Variants in SPEN observed in about 807,000 individuals in gnomAD.
The protein encoded by SPEN is msx2-interacting protein.
SPEN carries 18 observed loss-of-function variants against 269.9 expected under a neutral mutation model. The ratio of observed to expected loss-of-function variants is 0.07; its 90% CI spans 0.05 to 0.10. SPEN has a LOEUF of 0.10. SPEN is among the 10% of genes least tolerant of loss of function. SPEN has a pLI of 1.00. For missense variants in SPEN, 3,822 were observed against 4,631.2 expected (o/e 0.83, Z 5.07); for synonymous variants, 1,726 against 1,765.7 (o/e 0.98, Z 0.56).
At chr1:15,891,659 G>A (rs2070790425) in intron 3 of SPEN, among the ~76,000 whole-genome samples, 1 of 151,606 alleles carries the variant, frequency 6.6e-6, no homozygotes, top group Non-Finnish European at 1.5e-5. Flanking sequence ...CTTGTTTTTT[G>A]TTTTTTGTTT....
intron 3 of SPEN, among the ~76,000 whole-genome samples, chr1:15,887,110 G>A (rs934600682): frequency 1.3e-5 from 2 of 151,486 alleles, no homozygotes; most frequent in African/African-American, 4.9e-5. Flanking sequence ...CAAGTAGCTG[G>A]GATTACAGCC....
intron 10 of SPEN, among the ~76,000 whole-genome samples, chr1:15,925,564 T>A (rs1267337002): frequency 2.0e-5 from 3 of 151,824 alleles, no homozygotes; most frequent in East Asian, 1.9e-4. Flanking sequence ...AAACTTTTTT[T>A]AATATTACTA....
chr1:15,928,726 A>G lies in SPEN; in HGVS notation c.2486A>G (p.His829Arg), dbSNP rs748342352. The change falls in exon 11 of 15, where the codon CAC becomes CGC. Residue 829 changes from histidine to arginine, a missense_variant. Physicochemically the swap from His to Arg is conservative, Grantham distance 29. Coordinates refer to ENST00000375759, the MANE Select transcript of SPEN (RefSeq NM_015001.3). The surrounding 1 kb of genome is among the most constrained non-coding windows in gnomAD (Gnocchi z 5.7). Reference protein sequence around the residue: ...TDKQKRKGKVHSPSSQSSETD... With the variant: ...TDKQKRKGKVRSPSSQSSETD... ...AAGCAGAAACGCAAAGGAAAGGTTC[A>G]CTCCCCTAGTTCTCAGTCTTCAGAA... 1 of 1,613,958 alleles carries G rather than the reference A, an allele frequency of 6.2e-7. No homozygotes were observed. Among genetic ancestry groups the G allele is most frequent in the South Asian group, 1.1e-5 (1 of 91,070 alleles).
Position 15,934,596 on chromosome 1 carries a change from C to T in SPEN, c.8356C>T (p.His2786Tyr), listed in dbSNP as rs2071256268. 6.2e-7 allele frequency: 1 copy of T among 1,614,016 alleles called. No individual in the cohort carries two copies. Among genetic ancestry groups the T allele is most frequent in the Non-Finnish European group, 8.5e-7 (1 of 1,180,006 alleles). Residue 2786 changes from histidine (H) to tyrosine (Y), a missense_variant, in exon 11 of 15, where the codon CAC (histidine) becomes TAC (tyrosine). By Grantham distance (83) the His-to-Tyr change is moderately conservative (BLOSUM62 2). Transcript: ENST00000375759. The surrounding 1 kb of genome is among the most constrained non-coding windows in gnomAD (Gnocchi z 9.2). ...RASANENSRF[H>Y]PGSMPVIDDR... ...GAGTGCTAATGAAAACAGTCGGTTCCACCCAGGGTCCATGCCTGTGATCGA... is the reference window on the plus strand; with the variant it reads ...GAGTGCTAATGAAAACAGTCGGTTCTACCCAGGGTCCATGCCTGTGATCGA...
In SPEN at chr1:15,929,422, C is replaced by A; in HGVS notation, c.3182C>A (p.Ala1061Asp). The A allele has an allele frequency of 6.2e-7, 1 of 1,613,776 alleles. No homozygotes were observed. Among genetic ancestry groups the A allele is most frequent in the Non-Finnish European group, 8.5e-7 (1 of 1,179,912 alleles). ...AAACTGGACAGACTTAATACTGTTG[C>A]CAGCCCCAAAGACTGTCAGGAGCTT... ...KIKLDRLNTV[A>D]SPKDCQELAS... is the part of the protein sequence containing the mutation. The change falls in exon 11 of 15, where the codon GCC becomes GAC. Residue 1061 changes from alanine to aspartate, a missense_variant. Physicochemically the swap from Ala to Asp is moderately radical, Grantham distance 126. Around this residue, in one of 16 missense-constraint regions of SPEN, gnomAD observed 572 missense variants for 582.6 expected, o/e 0.98. Coordinates refer to ENST00000375759, the MANE Select transcript of SPEN (RefSeq NM_015001.3). The surrounding 1 kb of genome is among the most constrained non-coding windows in gnomAD (Gnocchi z 5.8).
Position 15,848,178 on chromosome 1 carries a change from C to G in SPEN, c.83+28C>G. On this transcript the variant is annotated intron_variant, in intron 1 of 14. Transcript: ENST00000375759. This position sits in a 1 kb window ranked among gnomAD's most constrained non-coding sequence, Gnocchi z 5.1. ...GAGTGACACGAGGCCCGCGGCCGCG[C>G]TCGCTCCTCGGGCGCCGCTTCCCGC... 1 of 1,417,290 alleles carries G rather than the reference C, an allele frequency of 7.1e-7. No homozygotes were observed. Among genetic ancestry groups the G allele is most frequent in the Non-Finnish European group, 9.4e-7 (1 of 1,063,074 alleles). The allele number at this position is 1,417,290 out of a possible 1,614,324, so 87.8% of individuals were successfully genotyped here.
Position 15,928,529 on chromosome 1 carries a change from T to C in SPEN, c.2289T>C (p.Ser763=). Residue 763 remains serine (S), a synonymous_variant, in exon 11 of 15, where the codon AGT becomes AGC. Transcript: ENST00000375759. This position sits in a 1 kb window ranked among gnomAD's most constrained non-coding sequence, Gnocchi z 5.7. The part of the protein sequence containing the change: ...RRLYSRSSDR[S]GSCSSLSPPR... Reference sequence around the variant, plus strand: ...TTTACAGCCGATCCTCAGACCGGAGTGGAAGCTGTAGCTCACTCTCCCCTC... The same window carrying C: ...TTTACAGCCGATCCTCAGACCGGAGCGGAAGCTGTAGCTCACTCTCCCCTC... 2 of 1,613,904 alleles carry C rather than the reference T, an allele frequency of 1.2e-6. No homozygotes were observed. The highest frequency in any genetic ancestry group is 8.5e-7 in the Non-Finnish European group (1 of 1,179,996).
At chr1:15,908,170 GCTA>G (rs112407466) in intron 3 of SPEN, among the ~76,000 whole-genome samples, 1 of 151,844 alleles carries the variant, frequency 6.6e-6, no homozygotes, top group Admixed American at 6.6e-5. Flanking sequence ...AGGTAGTAGT[GCTA>G]CTACTACTAC....
chr1:15,935,021 C>T lies in SPEN; in HGVS notation c.8781C>T (p.Gly2927=), dbSNP rs1483099689. The change falls in exon 11 of 15, where the codon GGC becomes GGT. Residue 2927 remains glycine (G), a synonymous_variant. Transcript: ENST00000375759. The surrounding 1 kb of genome is among the most constrained non-coding windows in gnomAD (Gnocchi z 7.7). ...TGTCCACGCCTGTCACCCAGGGAGG[C>T]ACAGTGAAGGTTCTCACCCAGGGGA... is the stretch of plus-strand genomic sequence containing the variant. ...LSVSTPVTQG[G]TVKVLTQGIN... is the part of the protein sequence containing the mutation. 3 of 1,614,024 alleles carry T rather than the reference C, an allele frequency of 1.9e-6. No individual in the cohort carries two copies. In the Admixed American group the frequency reaches 5.0e-5, roughly 27 times the overall value.
chr1:15,917,949 C>T (rs1018453927), intron 6 of SPEN: 4 of 152,210 alleles, frequency 2.6e-5, no homozygotes, highest in African/African-American at 9.7e-5. Context: ...ATGACAGCCC[C>T]ACCCCAATGT....
intron 3 of SPEN, among the ~76,000 whole-genome samples, chr1:15,902,500 G>A (rs1026837311): frequency 1.3e-5 from 2 of 152,064 alleles, no homozygotes; most frequent in African/African-American, 4.8e-5. Context: ...ATTACTTGCT[G>A]TGGTGATGCA....
rs142609831 is a variant in SPEN at position 15,928,207 on chromosome 1, A to G, written c.1967A>G (p.Glu656Gly). 675 of 1,614,050 alleles carry G rather than the reference A, an allele frequency of 4.2e-4. No individual in the cohort carries two copies. Among genetic ancestry groups the G allele is most frequent in the Non-Finnish European group, 5.6e-4 (663 of 1,180,052 alleles). Residue 656 changes from glutamate (E) to glycine (G), a missense_variant, in exon 11 of 15, where the codon GAG (glutamate) becomes GGG (glycine). Around this residue, in one of 16 missense-constraint regions of SPEN, gnomAD observed 230 missense variants for 426.1 expected, o/e 0.54. Transcript: ENST00000375759. The surrounding 1 kb of genome is among the most constrained non-coding windows in gnomAD (Gnocchi z 5.7). ...CGGGACTATCCAGCTCGAGGGAGAG[A>G]GTTTTATTCAGAATGGGAAACTTAC... ...SRRDYPARGR[E>G]FYSEWETYQG...
chr1:15,937,241 T>G lies in SPEN; in HGVS notation c.10105T>G (p.Cys3369Gly), dbSNP rs779425540. ...STQPAQPAPPCPPSQLGQPGQ... is the reference protein window; with the variant it reads ...STQPAQPAPPGPPSQLGQPGQ... Reference sequence around the variant, plus strand: ...ACAGCCTGCCCAGCCTGCACCACCCTGCCCGCCCTCCCAGCTCGGTCAGCC... The same window carrying G: ...ACAGCCTGCCCAGCCTGCACCACCCGGCCCGCCCTCCCAGCTCGGTCAGCC... Residue 3369 changes from cysteine to glycine, a missense_variant, in exon 12 of 15, where the codon TGC becomes GGC. Around this residue, in one of 16 missense-constraint regions of SPEN, gnomAD observed 359 missense variants for 377.3 expected, o/e 0.95. Transcript: ENST00000375759. This position sits in a 1 kb window ranked among gnomAD's most constrained non-coding sequence, Gnocchi z 5.7. The G allele has an allele frequency of 1.9e-6, 3 of 1,613,602 alleles. No individual in the cohort carries two copies. The Admixed American group carries it at 5.0e-5, about 27-fold the overall frequency.
chr1:15,916,312 G>A (rs771655097), intron 6 of SPEN, 33 bp downstream of exon 6: 4 of 1,599,994 alleles, frequency 2.5e-6, no homozygotes, highest in South Asian at 2.3e-5. Flanking sequence ...ACAATTTTAG[G>A]TCTTTGTCAT....
chr1:15,932,695 A>C lies in SPEN; in HGVS notation c.6455A>C (p.Asp2152Ala). Residue 2152 changes from aspartate (D) to alanine (A), a missense_variant, in exon 11 of 15, where the codon GAC becomes GCC. Coordinates refer to ENST00000375759, the MANE Select transcript of SPEN (RefSeq NM_015001.3). This position sits in a 1 kb window ranked among gnomAD's most constrained non-coding sequence, Gnocchi z 4.2. ...CCAGACAAGGAACCAGAGAAAGAAG[A>C]CGTGTCTGCCTCTGGGCCGTCCCCA... ...VDPDKEPEKE[D>A]VSASGPSPEA... The C allele has an allele frequency of 6.2e-7, 1 of 1,614,064 alleles. No homozygotes were observed. Among genetic ancestry groups the C allele is most frequent in the South Asian group, 1.1e-5 (1 of 91,074 alleles).
chr1:15,932,838 C>G lies in SPEN; in HGVS notation c.6598C>G (p.Pro2200Ala). ...YKADAPEGLA[P>A]EDRDKPAHQA... is the part of the protein sequence containing the mutation. ...GGCAGATGCACCAGAGGGCCTTGCCCCAGAGGACAGGGACAAGCCTGCACA... is the reference window on the plus strand; with the variant it reads ...GGCAGATGCACCAGAGGGCCTTGCCGCAGAGGACAGGGACAAGCCTGCACA... The change falls in exon 11 of 15, where the codon CCA becomes GCA. Residue 2200 changes from proline to alanine, a missense_variant. By Grantham distance (27) the Pro-to-Ala change is conservative (BLOSUM62 -1). Transcript: ENST00000375759. This position sits in a 1 kb window ranked among gnomAD's most constrained non-coding sequence, Gnocchi z 4.2. 1 of 1,614,196 alleles carries G rather than the reference C, an allele frequency of 6.2e-7. No homozygotes were observed. Among genetic ancestry groups the G allele is most frequent in the Non-Finnish European group, 8.5e-7 (1 of 1,180,030 alleles).
rs756969937 is a variant in SPEN at position 15,876,470 on chromosome 1, A to G, written c.673A>G (p.Thr225Ala). Reference protein sequence around the residue: ...VHRDIYRDDITREVRGRRPER... With the variant: ...VHRDIYRDDIAREVRGRRPER... ...CAGGGATATCTACAGGGATGATATT[A>G]CCCGGGAGGTACGAGGCAGAAGGCC... The change falls in exon 3 of 15, where the codon ACC becomes GCC. Residue 225 changes from threonine to alanine, a missense_variant. Coordinates refer to ENST00000375759, the MANE Select transcript of SPEN (RefSeq NM_015001.3). The G allele has an allele frequency of 8.7e-6, 14 of 1,613,990 alleles. No individual in the cohort carries two copies. The African/African-American group carries it at 1.7e-4, about 20-fold the overall frequency.
intron 1 of SPEN, among the ~76,000 whole-genome samples, chr1:15,849,924 T>C (rs2070316848): frequency 6.6e-6 from 1 of 152,172 alleles, no homozygotes; most frequent in African/African-American, 2.4e-5. Context: ...CATTGCAGCA[T>C]TCGCTCGCTC....
chr1:15,888,332 A>AT (rs1345318644), intron 3 of SPEN, among the ~76,000 whole-genome samples: 2 of 143,150 alleles, frequency 1.4e-5, no homozygotes, highest in East Asian at 2.0e-4. Context: ...TAATTTTATT[A>AT]TTTTTTTTGA....
Sources: gnomAD v4.1 joint callset for allele counts (sites outside exome capture counted in the v4.1 genomes callset) on GRCh38, gnomAD v4.1.1 for gene constraint, gnomAD v4.1.1 regional missense constraint, Gnocchi (gnomAD v3.1) non-coding constraint, MANE v1.5 for transcripts, NCBI Gene and HGNC (gene_info 2026-07-23, HGNC 2026-07-21) for gene names.